Variants in TTC28 observed in about 807,000 individuals in gnomAD.
TTC28 encodes the protein tetratricopeptide repeat protein 28.
In TTC28, 61 loss-of-function variants were observed where a neutral mutation model predicts 198.0. That is an observed-to-expected ratio of 0.31 (90% CI 0.25 to 0.38). TTC28 has a LOEUF of 0.38. TTC28 is among the 10% of genes least tolerant of loss of function. The pLI is 1.00. For synonymous variants in TTC28, 1,171 were observed against 1,297.8 expected, an observed-to-expected ratio of 0.90 and a Z score of 2.10; for missense variants, 2,678 against 3,164.0, an observed-to-expected ratio of 0.85 and a Z score of 3.69.
At chr22:28,631,734 G>A (rs952456177) in intron 1 of TTC28, among the ~76,000 whole-genome samples, 8 of 152,000 alleles carry the variant, frequency 5.3e-5, no homozygotes, top group African/African-American at 1.2e-4. Context: ...TCATGTTGCC[G>A]AGGCTGGTCT....
chr22:28,401,051 A>T (rs2046898414), intron 2 of TTC28, among the ~76,000 whole-genome samples: 1 of 152,134 alleles, frequency 6.6e-6, no homozygotes, highest in African/African-American at 2.4e-5. Context: ...AGATAGGAGT[A>T]GTAAAGGCCA....
At chr22:28,126,316 C>T (rs551750003) in intron 6 of TTC28, among the ~76,000 whole-genome samples, 3 of 152,282 alleles carry the variant, frequency 2.0e-5, no homozygotes, top group Middle Eastern at 3.4e-3. Flanking sequence ...GGGTTGGCCA[C>T]GGAGAACTAC....
In TTC28 at chr22:28,545,224, C is replaced by T. The variant is rs183639424; in HGVS notation, c.381+84328G>A. 9.9e-4 allele frequency among the ~76,000 whole-genome samples: 150 copies of T among 152,146 alleles called. 1 individual carries two copies. Among genetic ancestry groups the T allele is most frequent in the Middle Eastern group, 6.8e-3 (2 of 294 alleles). On this transcript the variant is annotated intron_variant, in intron 2 of 22. Transcript: ENST00000397906. ...ACTTCACCATACTACAGATTCTAGC[C>T]AATGCAACAAGGCTAGAGAAATCCC...
chr22:28,018,619 G>C (rs1335378504), intron 13 of TTC28, among the ~76,000 whole-genome samples: 5 of 152,134 alleles, frequency 3.3e-5, no homozygotes, highest in Admixed American at 2.6e-4. Context: ...TAGTGGCCCT[G>C]GTCCACCTTG....
chr22:28,095,852 C>G (rs73880391), intron 11 of TTC28, among the ~76,000 whole-genome samples: 1 of 152,160 alleles, frequency 6.6e-6, no homozygotes, highest in Non-Finnish European at 1.5e-5. Context: ...AGAAAGAATT[C>G]GTTAGGACTT....
chr22:28,436,025 C>A (rs981832120), intron 2 of TTC28, among the ~76,000 whole-genome samples: 1 of 152,116 alleles, frequency 6.6e-6, no homozygotes, highest in Non-Finnish European at 1.5e-5. Flanking sequence ...AATTCAGTGG[C>A]GTTTAGTACA....
chr22:28,401,402 A>C (rs2046907230), intron 2 of TTC28, among the ~76,000 whole-genome samples: 1 of 151,908 alleles, frequency 6.6e-6, no homozygotes, highest in Non-Finnish European at 1.5e-5. Context: ...GATCATCTGA[A>C]GTCAGGAGTT....
At chr22:28,530,106 T>C (rs1199597653) in intron 2 of TTC28, among the ~76,000 whole-genome samples, 1 of 152,124 alleles carries the variant, frequency 6.6e-6, no homozygotes, top group Non-Finnish European at 1.5e-5. Context: ...AGTAACAAAC[T>C]TCTCCGAGCT....
chr22:28,512,246 A>C (rs2048699341), intron 2 of TTC28, among the ~76,000 whole-genome samples: 1 of 152,236 alleles, frequency 6.6e-6, no homozygotes, highest in African/African-American at 2.4e-5. Flanking sequence ...ACAACGAGAT[A>C]TCATATCACA....
chr22:28,639,528 G>A (rs1237966856), intron 1 of TTC28, among the ~76,000 whole-genome samples: 2 of 152,186 alleles, frequency 1.3e-5, no homozygotes, highest in Admixed American at 1.3e-4. Flanking sequence ...CCCATGTGTT[G>A]TGGGAGGGAT....
At position 28,387,971 on chromosome 22, in the gene TTC28, G is replaced by A. The variant is rs538084428; in HGVS notation, c.382-81328C>T. Among the ~76,000 whole-genome samples, 664 of 152,246 alleles carry A rather than the reference G, an allele frequency of 4.4e-3. 3 individuals carry two copies. The highest frequency in any genetic ancestry group is 0.015 in the African/African-American group (605 of 41,538). On this transcript the variant is annotated intron_variant, in intron 2 of 22. Coordinates refer to ENST00000397906, the MANE Select transcript of TTC28 (RefSeq NM_001145418.2). The stretch of plus-strand genomic sequence containing the variant: ...TAGGTTTTCTTCTAGGGTTTTTATG[G>A]TTTTAGGTCTAACGTTTAAGTCTTT...
chr22:28,516,581 C>G (rs1158042343), intron 2 of TTC28, among the ~76,000 whole-genome samples: 3 of 88,636 alleles, frequency 3.4e-5, no homozygotes, highest in South Asian at 4.1e-4. Flanking sequence ...GGACACAGGG[C>G]GGGGAACATC....
At chr22:28,466,840 CACACACACACACACA>C (rs1165264606) in intron 2 of TTC28, among the ~76,000 whole-genome samples, 7 of 151,508 alleles carry the variant, frequency 4.6e-5, no homozygotes, top group African/African-American at 1.7e-4. Context: ...CACACACACA[CACACACACACACACA>C]CCCCTATGCC....
chr22:27,993,151 C>T, intron 18 of TTC28, 136 bp downstream of exon 18: 2 of 767,352 alleles, frequency 2.6e-6, no homozygotes, highest in Admixed American at 3.1e-5. Flanking sequence ...TCTGGGACCC[C>T]CTGCCATTTC....
At chr22:28,493,862 C>T (rs796259784) in intron 2 of TTC28, among the ~76,000 whole-genome samples, 1 of 152,164 alleles carries the variant, frequency 6.6e-6, no homozygotes, top group Non-Finnish European at 1.5e-5. Context: ...TGAAACACCA[C>T]ATCATTGGTC....
intron 5 of TTC28, among the ~76,000 whole-genome samples, chr22:28,248,881 AG>A (rs1050966833): frequency 8.6e-5 from 13 of 152,046 alleles, no homozygotes; most frequent in Non-Finnish European, 1.6e-4. Context: ...GGCATTTAGC[AG>A]GGGGGGAAAT....
chr22:28,360,938 A>G (rs1195217090), intron 2 of TTC28, among the ~76,000 whole-genome samples: 3 of 152,140 alleles, frequency 2.0e-5, no homozygotes, highest in Non-Finnish European at 2.9e-5. Flanking sequence ...TCATGTTACT[A>G]TTGTAATTGT....
intron 2 of TTC28, among the ~76,000 whole-genome samples, chr22:28,562,588 T>C (rs892639942): frequency 2.0e-5 from 3 of 152,048 alleles, no homozygotes; most frequent in Non-Finnish European, 4.4e-5. Context: ...TTGACTTCCA[T>C]TATCTAAGCA....
Position 28,611,495 on chromosome 22 carries a change from C to CTTTTTTT in TTC28, c.381+18050_381+18056dup, listed in dbSNP as rs373893099. Among the ~76,000 whole-genome samples, 278 of 126,724 alleles carry CTTTTTTT rather than the reference C, an allele frequency of 2.2e-3. 2 individuals carry two copies. Among genetic ancestry groups the CTTTTTTT allele is most frequent in the Middle Eastern group, 7.9e-3 (2 of 254 alleles). 83.1% of individuals were successfully genotyped at this position (126,724 alleles called of 152,430 possible). A position where few individuals can be genotyped will look rare whatever the true frequency, so the allele number is the denominator to read the frequency against. ...TCATAGGTGAAGGAGAAATAAAAGCCTTTTTTTTAATTTTTTTTTTTTTTT... is the reference window on the plus strand; with the variant it reads ...TCATAGGTGAAGGAGAAATAAAAGCCTTTTTTTTTTTTTTTAATTTTTTTTTTTTTTT... On this transcript the variant is annotated intron_variant, in intron 2 of 22. Coordinates refer to ENST00000397906, the MANE Select transcript of TTC28 (RefSeq NM_001145418.2).
Sources: allele counts gnomAD v4.1 joint callset (sites outside exome capture counted in the v4.1 genomes callset), GRCh38; gene constraint gnomAD v4.1.1; transcripts MANE v1.5; gene names NCBI Gene and HGNC (gene_info 2026-07-23, HGNC 2026-07-21).